The following CDC42SE2 variants were observed in gnomAD, a reference collection of about 807,000 sequenced individuals.
CDC42SE2 encodes CDC42 small effector protein 2.
CDC42SE2 carries 3 observed loss-of-function variants against 11.5 expected under a neutral mutation model. That is an observed-to-expected ratio of 0.26 (90% CI 0.12 to 0.67). The LOEUF (loss-of-function observed/expected upper bound fraction) is 0.67, where lower values mean the gene tolerates loss of function less well. Among genes scored for constraint, CDC42SE2 ranks in the 30% least tolerant of loss-of-function variants. The probability of loss-of-function intolerance (pLI) is 0.80; values close to 1 mark genes in which losing one functional copy is unlikely to be tolerated. For synonymous variants in CDC42SE2, 33 were observed against 34.8 expected, an observed-to-expected ratio of 0.95 and a Z score of 0.18; for missense variants, 82 against 106.8, an observed-to-expected ratio of 0.77 and a Z score of 1.02.
At chr5:131,314,555 GTAC>G in intron 1 of CDC42SE2, among the ~76,000 whole-genome samples, 1 of 152,024 alleles carries the variant, frequency 6.6e-6, no homozygotes, top group Admixed American at 6.6e-5. Flanking sequence ...ATTATTCTTT[GTAC>G]AAGTGTTCTA....
intron 3 of CDC42SE2, among the ~76,000 whole-genome samples, chr5:131,362,229 G>A (rs948791195): frequency 6.6e-6 from 1 of 152,088 alleles, no homozygotes; most frequent in Non-Finnish European, 1.5e-5. Flanking sequence ...TATGTTAGTT[G>A]TTTGTTATTG....
At chr5:131,350,639 A>ATG (rs1758985369) in intron 2 of CDC42SE2, among the ~76,000 whole-genome samples, 1 of 135,412 alleles carries the variant, frequency 7.4e-6, no homozygotes, top group African/African-American at 3.2e-5. Flanking sequence ...GTGTGTGTGT[A>ATG]TATATATATG....
upstream of CDC42SE2, among the ~76,000 whole-genome samples, chr5:131,260,062 T>C (rs1389614208): frequency 6.6e-6 from 1 of 152,260 alleles, no homozygotes; most frequent in Non-Finnish European, 1.5e-5. Flanking sequence ...TAACTAGCTT[T>C]TACCAGCACA....
chr5:131,295,635 T>C (rs982801745), intron 1 of CDC42SE2, among the ~76,000 whole-genome samples: 7 of 151,900 alleles, frequency 4.6e-5, no homozygotes, highest in Non-Finnish European at 2.9e-5. Context: ...TGTTTCTCTC[T>C]GGAGCGGGGA....
In CDC42SE2 at chr5:131,345,882, T is replaced by G. The variant is rs568654690; in HGVS notation, c.-285-13327T>G. On this transcript the variant is annotated intron_variant, in intron 2 of 4. Coordinates refer to ENST00000505065, the MANE Select transcript of CDC42SE2 (RefSeq NM_001375635.1). ...AGAAAAGAATTTTCAACCCAGAATTTCATATCCAGCCAAACTAAGCTTCAT... is the reference window on the plus strand; with the variant it reads ...AGAAAAGAATTTTCAACCCAGAATTGCATATCCAGCCAAACTAAGCTTCAT... Among the ~76,000 whole-genome samples, 1,213 of 148,080 alleles carry G rather than the reference T, an allele frequency of 8.2e-3. 18 individuals are homozygous for G. Among genetic ancestry groups the G allele is most frequent in the African/African-American group, 0.026 (1,045 of 40,438 alleles).
At chr5:131,382,175 T>C (rs1053778259) in intron 3 of CDC42SE2, among the ~76,000 whole-genome samples, 5 of 152,240 alleles carry the variant, frequency 3.3e-5, no homozygotes, top group Non-Finnish European at 7.3e-5. Context: ...ATGATAGAAG[T>C]AAGCTGAAGT....
intron 1 of CDC42SE2, among the ~76,000 whole-genome samples, chr5:131,280,616 C>G (rs747002031): frequency 2.0e-5 from 3 of 152,130 alleles, no homozygotes; most frequent in Non-Finnish European, 4.4e-5. Context: ...TAAGAGCCCT[C>G]TTACCATTGC....
chr5:131,240,892 T>G (rs1192566694), upstream of CDC42SE2, among the ~76,000 whole-genome samples: 2 of 152,248 alleles, frequency 1.3e-5, no homozygotes, highest in Non-Finnish European at 1.5e-5. Flanking sequence ...GATGATACAT[T>G]TCTGGTGTAT....
intron 2 of CDC42SE2, among the ~76,000 whole-genome samples, chr5:131,320,980 A>T (rs1758175557): frequency 6.6e-6 from 1 of 152,162 alleles, no homozygotes; most frequent in Non-Finnish European, 1.5e-5. Context: ...TCCTCTTTAT[A>T]TTCTTGGAGT....
intron 1 of CDC42SE2, among the ~76,000 whole-genome samples, chr5:131,309,606 T>C (rs1202849576): frequency 6.6e-6 from 1 of 151,776 alleles, no homozygotes; most frequent in African/African-American, 2.4e-5. Context: ...AGCTATTGAT[T>C]ATTGCCACAA....
chr5:131,312,714 C>T (rs1757950468), intron 1 of CDC42SE2, among the ~76,000 whole-genome samples: 1 of 152,224 alleles, frequency 6.6e-6, no homozygotes, highest in Admixed American at 6.5e-5. Flanking sequence ...CAGGTGCCGT[C>T]CGTCACCCCT....
At chr5:131,216,518 A>AAAAAAAAAAAAAC in the CDC42SE2 span, among the ~76,000 whole-genome samples, 15 of 146,094 alleles carry the variant, frequency 1.0e-4, no homozygotes, top group African/African-American at 3.5e-4. Context: ...AAAAAAAAAA[A>AAAAAAAAAAAAAC]AAAACATTAT....
At chr5:131,360,514 C>T (rs1056200200) in intron 3 of CDC42SE2, among the ~76,000 whole-genome samples, 3 of 152,166 alleles carry the variant, frequency 2.0e-5, no homozygotes, top group Admixed American at 6.6e-5. Flanking sequence ...TCTGTATTCC[C>T]ACAGCTCTTT....
intron 3 of CDC42SE2, among the ~76,000 whole-genome samples, chr5:131,361,467 AGACGGGGAGCT>A (rs1749705952): frequency 6.6e-6 from 1 of 152,188 alleles, no homozygotes; most frequent in South Asian, 2.1e-4. Context: ...GGGAGCATAC[AGACGGGGAGCT>A]GTGGGGTTCT....
Position 131,382,833 on chromosome 5 carries a change from G to A in CDC42SE2, c.55-2710G>A, listed in dbSNP as rs538424840. Among the ~76,000 whole-genome samples the A allele has an allele frequency of 2.6e-5, 4 of 152,186 alleles. No individual in the cohort carries two copies. In the East Asian group the frequency reaches 5.8e-4, roughly 22 times the overall value. ...TCCTGCCCACATGCTGAGAAAATTC[G>A]TATCCTGTGATGGTAAAGATTACAT... is the stretch of plus-strand genomic sequence containing the variant. On this transcript the variant is annotated intron_variant, in intron 3 of 4. Transcript: ENST00000505065.
intron 2 of CDC42SE2, among the ~76,000 whole-genome samples, chr5:131,342,651 G>A (rs548395285): frequency 2.0e-5 from 3 of 151,500 alleles, no homozygotes; most frequent in African/African-American, 7.3e-5. Context: ...GCCTCCCAAA[G>A]TGCTGGGATT....
At chr5:131,293,154 G>A (rs1456228408) in intron 1 of CDC42SE2, among the ~76,000 whole-genome samples, 2 of 152,038 alleles carry the variant, frequency 1.3e-5, no homozygotes, top group Non-Finnish European at 2.9e-5. Context: ...AATAGGAGGT[G>A]AGGCCTTTGA....
At chr5:131,302,096 TC>T (rs1249474761) in intron 1 of CDC42SE2, among the ~76,000 whole-genome samples, 1 of 152,034 alleles carries the variant, frequency 6.6e-6, no homozygotes, top group Non-Finnish European at 1.5e-5. Flanking sequence ...AACCTCTGCC[TC>T]CCCGGCTCAA....
intron 2 of CDC42SE2, among the ~76,000 whole-genome samples, chr5:131,334,345 G>A (rs1334586038): frequency 6.6e-6 from 1 of 152,164 alleles, no homozygotes; most frequent in Non-Finnish European, 1.5e-5. Flanking sequence ...GCTTTTTGAT[G>A]TGTTGCTGGA....
Sources: gnomAD v4.1 joint callset for allele counts (sites outside exome capture counted in the v4.1 genomes callset) on GRCh38, gnomAD v4.1.1 for gene constraint, MANE v1.5 for transcripts, NCBI Gene and HGNC (gene_info 2026-07-23, HGNC 2026-07-21) for gene names.